The following KATNA1 variants were observed in gnomAD, a reference collection of about 807,000 sequenced individuals.
KATNA1 encodes katanin catalytic subunit A1, also known as katanin p60 ATPase-containing subunit A1.
Under a neutral mutation model 62.6 loss-of-function variants are expected in KATNA1, and 42 were observed. The ratio of observed to expected loss-of-function variants is 0.67; its 90% CI spans 0.52 to 0.87. The LOEUF (loss-of-function observed/expected upper bound fraction) is 0.87, where lower values mean the gene tolerates loss of function less well. Ranked by LOEUF, KATNA1 falls within the 40% of genes least tolerant of loss-of-function variation. The probability of loss-of-function intolerance (pLI) is 0.00; values close to 1 mark genes in which losing one functional copy is unlikely to be tolerated. For synonymous variants in KATNA1, 186 were observed against 201.9 expected (o/e 0.92, Z 0.67); for missense variants, 498 against 612.5 (o/e 0.81, Z 1.97).
chr6:149,626,342 G>A (rs1240291305), intron 3 of KATNA1, among the ~76,000 whole-genome samples: 2 of 119,044 alleles, frequency 1.7e-5, no homozygotes, highest in Admixed American at 1.1e-4. Flanking sequence ...TCGCCCAGGC[G>A]GGAGTGCTGT....
chr6:149,603,017 G>A (rs933704819), intron 6 of KATNA1, among the ~76,000 whole-genome samples: 7 of 152,092 alleles, frequency 4.6e-5, no homozygotes, highest in East Asian at 1.9e-4. Context: ...CACCACGCCC[G>A]GCCAAATTCT....
At chr6:149,612,516 A>T (rs1453750940) in intron 4 of KATNA1, among the ~76,000 whole-genome samples, 4 of 152,168 alleles carry the variant, frequency 2.6e-5, no homozygotes, top group Non-Finnish European at 4.4e-5. Context: ...CTCAAAAAAA[A>T]TTTTTAAAAA....
intron 8 of KATNA1, chr6:149,597,944 T>C (rs1778390243): frequency 4.3e-6 from 2 of 465,978 alleles, no homozygotes; most frequent in Non-Finnish European, 3.8e-6. Flanking sequence ...TATCTGCATT[T>C]ATTTTTATTT....
In KATNA1 at chr6:149,594,947, T is replaced by TA. The variant is rs1375433244; in HGVS notation, c.*88dup. On this transcript the variant is annotated 3_prime_UTR_variant, in exon 11 of 11. Coordinates refer to ENST00000367411, the MANE Select transcript of KATNA1 (RefSeq NM_007044.4). ...AAAAAAATCTTACCATTATGAAAGTTAAAAAAAATATAGCACTCAGTACAA... is the reference window on the plus strand; with the variant it reads ...AAAAAAATCTTACCATTATGAAAGTTAAAAAAAAATATAGCACTCAGTACAA... 155 of 994,586 alleles carry TA rather than the reference T, an allele frequency of 1.6e-4. No homozygotes were observed. In the East Asian group the frequency reaches 3.2e-3, roughly 20 times the overall value. The allele number at this position is 994,586 out of a possible 1,614,324, so 61.6% of individuals were successfully genotyped here.
intron 1 of KATNA1, among the ~76,000 whole-genome samples, chr6:149,643,498 A>C (rs1780366146): frequency 6.6e-6 from 1 of 152,196 alleles, no homozygotes; most frequent in Non-Finnish European, 1.5e-5. Context: ...AAAAGGAATA[A>C]AATCCTATCA....
chr6:149,630,399 C>A (rs746260592), intron 3 of KATNA1, among the ~76,000 whole-genome samples: 11 of 152,124 alleles, frequency 7.2e-5, no homozygotes, highest in Non-Finnish European at 1.5e-4. Flanking sequence ...GAGGCCAAGG[C>A]GAGTGGATCA....
intron 2 of KATNA1, among the ~76,000 whole-genome samples, chr6:149,636,054 T>A (rs763754660): frequency 2.7e-5 from 4 of 150,800 alleles, no homozygotes; most frequent in Admixed American, 1.3e-4. Context: ...AAAATCCATC[T>A]CAAAAGAAAA....
intron 6 of KATNA1, 42 bp from the exon 7 acceptor site, chr6:149,601,794 A>C (rs758435107): frequency 1.5e-5 from 21 of 1,435,536 alleles, no homozygotes; most frequent in Non-Finnish European, 1.8e-5. Context: ...TTTATCTGCC[A>C]TTGTTCTAAT....
At position 149,597,066 on chromosome 6, in the gene KATNA1, C is replaced by A; in HGVS notation, c.1274G>T (p.Cys425Phe). 1 of 1,613,752 alleles carries A rather than the reference C, an allele frequency of 6.2e-7. No individual in the cohort carries two copies. The highest frequency in any genetic ancestry group is 8.5e-7 in the Non-Finnish European group (1 of 1,179,884). The change falls in exon 10 of 11, where the codon TGC (cysteine) becomes TTC (phenylalanine). Residue 425 changes from cysteine to phenylalanine, a missense_variant. Physicochemically the swap from Cys to Phe is radical, Grantham distance 205. This residue lies in a region of KATNA1 where 267 missense variants were observed against 372.6 expected (regional missense o/e 0.72). Coordinates refer to ENST00000367411, the MANE Select transcript of KATNA1 (RefSeq NM_007044.4). ...ATGCTTCCATGATAATTCATACCTG[C>A]ACACGTTGGTAATGTCCGCACCTGA... ...GYSGADITNV[C>F]RDASLMAMRR...
chr6:149,606,964 A>G (rs1778764313), intron 4 of KATNA1, among the ~76,000 whole-genome samples: 1 of 152,164 alleles, frequency 6.6e-6, no homozygotes, highest in Non-Finnish European at 1.5e-5. Context: ...TCTTTTCTTC[A>G]AAGTATTTAT....
chr6:149,597,276 G>T, intron 9 of KATNA1, 87 bp from the exon 10 acceptor site: 2 of 1,408,498 alleles, frequency 1.4e-6, no homozygotes, highest in Non-Finnish European at 1.9e-6. Context: ...GTGAGATGTT[G>T]TCTTCCAGTA....
In KATNA1 at chr6:149,623,184, A is replaced by T; in HGVS notation, c.420T>A (p.Ser140=). Residue 140 remains serine (S), a synonymous_variant, in exon 4 of 11, where the codon TCT becomes TCA. Coordinates refer to ENST00000367411, the MANE Select transcript of KATNA1 (RefSeq NM_007044.4). ...PSTTVRVHRS[S]AQNVHNDRGK... is the part of the protein sequence containing the mutation. The stretch of plus-strand genomic sequence containing the variant: ...CTCTGTCATTGTGAACATTCTGTGC[A>T]GATGAACGGTGAACTCTGACAGTTG... 1 of 1,613,714 alleles carries T rather than the reference A, an allele frequency of 6.2e-7. No homozygotes were observed. The highest frequency in any genetic ancestry group is 8.5e-7 in the Non-Finnish European group (1 of 1,179,672).
At chr6:149,595,723 A>G (rs1778281371) in intron 10 of KATNA1, among the ~76,000 whole-genome samples, 1 of 151,972 alleles carries the variant, frequency 6.6e-6, no homozygotes, top group Non-Finnish European at 1.5e-5. Context: ...TTTTATCCTT[A>G]ATAGCAGCCA....
chr6:149,604,633 C>A, intron 5 of KATNA1, 28 bp downstream of exon 5: 1 of 1,612,202 alleles, frequency 6.2e-7, no homozygotes, highest in Non-Finnish European at 8.5e-7. Flanking sequence ...TCACCAGCAC[C>A]CAATTATTTG....
At chr6:149,613,200 A>ATAAAAAT (rs1779029371) in intron 4 of KATNA1, among the ~76,000 whole-genome samples, 1 of 142,350 alleles carries the variant, frequency 7.0e-6, no homozygotes, top group African/African-American at 2.6e-5. Flanking sequence ...AAAAAAAAAA[A>ATAAAAAT]AAAAAAAAAA....
chr6:149,617,993 T>A (rs12183713), intron 4 of KATNA1, among the ~76,000 whole-genome samples: 74 of 105,388 alleles, frequency 7.0e-4, no homozygotes, highest in Middle Eastern at 5.2e-3. Flanking sequence ...TAAATAAATA[T>A]ATATATATAA....
Position 149,602,973 on chromosome 6 carries a change from G to A in KATNA1, c.729+295C>T, listed in dbSNP as rs148255733. Among the ~76,000 whole-genome samples, 963 of 151,742 alleles carry A rather than the reference G, an allele frequency of 6.3e-3. 13 individuals carry two copies. The highest frequency in any genetic ancestry group is 0.022 in the African/African-American group (909 of 41,384). On this transcript the variant is annotated intron_variant, in intron 6 of 10. Transcript: ENST00000367411. ...TGACCTCAGGTGATCCGCCCGCCTC[G>A]GCCTCCTAAAGTGCTGGGATTACAG...
rs375809731 is a variant in KATNA1 at position 149,604,895 on chromosome 6, C to G, written c.502-113G>C. On this transcript the variant is annotated intron_variant, in intron 4 of 10. Transcript: ENST00000367411. ...TTTAAAAAGCTAATACATCATTTGG[C>G]CAGGCGCAGTGGCTCACACCTGTAA... 49 of 1,006,598 alleles carry G rather than the reference C, an allele frequency of 4.9e-5. No homozygotes were observed. In the African/African-American group the frequency reaches 7.3e-4, roughly 15 times the overall value. The allele number at this position is 1,006,598 out of a possible 1,614,324, so 62.4% of individuals were successfully genotyped here. A position where few individuals can be genotyped will look rare whatever the true frequency, so the allele number is the denominator to read the frequency against.
intron 2 of KATNA1, among the ~76,000 whole-genome samples, chr6:149,636,345 G>T (rs944229926): frequency 2.0e-5 from 3 of 152,168 alleles, no homozygotes; most frequent in African/African-American, 7.2e-5. Context: ...GCGGAGCCAA[G>T]AGGATCATTT....
Sources: gnomAD v4.1 joint callset for allele counts (sites outside exome capture counted in the v4.1 genomes callset) on GRCh38, gnomAD v4.1.1 for gene constraint, gnomAD v4.1.1 regional missense constraint, MANE v1.5 for transcripts, NCBI Gene and HGNC (gene_info 2026-07-23, HGNC 2026-07-21) for gene names.